The following EVPLL variants were observed in gnomAD, a reference collection of about 807,000 sequenced individuals.
The protein encoded by EVPLL is envoplakin-like protein.
A neutral mutation model predicts 46.2 loss-of-function variants in EVPLL; 39 were observed. That is an observed-to-expected ratio of 0.84 (90% CI 0.65 to 1.10). The LOEUF (loss-of-function observed/expected upper bound fraction) is 1.10. EVPLL is among the 50% of genes least tolerant of loss of function. EVPLL has a pLI of 0.00. For missense variants in EVPLL, 385 were observed against 412.6 expected, an observed-to-expected ratio of 0.93 and a Z score of 0.58; for synonymous variants, 156 against 165.8, an observed-to-expected ratio of 0.94 and a Z score of 0.46.
In EVPLL at chr17:18,383,258, G is replaced by T; in HGVS notation, c.673-13G>T. On this transcript the variant is annotated splice_polypyrimidine_tract_variant and intron_variant, in intron 7 of 10. Transcript: ENST00000399134. Reference sequence around the variant, plus strand: ...TGGTCCTCACCGCCGCTCCCCACCCGACTCGCCCCCAGCACTTCAAGCAGC... The same window carrying T: ...TGGTCCTCACCGCCGCTCCCCACCCTACTCGCCCCCAGCACTTCAAGCAGC... The T allele has an allele frequency of 1.8e-5, 28 of 1,569,912 alleles. No individual in the cohort carries two copies. The highest frequency in any genetic ancestry group is 2.4e-5 in the Non-Finnish European group (28 of 1,160,500).
rs752552958 is a variant in EVPLL at position 18,383,349 on chromosome 17, C to G, written c.751C>G (p.Leu251Val). 6.4e-7 allele frequency: 1 copy of G among 1,561,568 alleles called. No individual in the cohort carries two copies. Among genetic ancestry groups the G allele is most frequent in the Non-Finnish European group, 8.7e-7 (1 of 1,150,644 alleles). Residue 251 changes from leucine (L) to valine (V), a missense_variant, in exon 8 of 11, where the codon CTG becomes GTG. Transcript: ENST00000399134. ...LEEDGKRMVELRHPAVGPIQA... is the reference protein window; with the variant it reads ...LEEDGKRMVEVRHPAVGPIQA... The stretch of plus-strand genomic sequence containing the variant: ...GGAGGACGGCAAGCGCATGGTGGAG[C>G]TGCGGCACCCCGCGGTGGGGCCCAT...
At position 18,382,843 on chromosome 17, in the gene EVPLL, G is replaced by A; in HGVS notation, c.490G>A (p.Glu164Lys). 6.2e-7 allele frequency: 1 copy of A among 1,613,486 alleles called. No individual in the cohort carries two copies. Among genetic ancestry groups the A allele is most frequent in the Non-Finnish European group, 8.5e-7 (1 of 1,179,750 alleles). The change falls in exon 6 of 11, where the codon GAG becomes AAG. Residue 164 changes from glutamate to lysine, a missense_variant. By Grantham distance (56) the Glu-to-Lys change is moderately conservative. Transcript: ENST00000399134. Reference protein sequence around the residue: ...PGGAGCRHHPEPIPRPTEGGV... With the variant: ...PGGAGCRHHPKPIPRPTEGGV... Reference sequence around the variant, plus strand: ...CAAGGCAGGATGCCGCCACCATCCGGAGCCAATACCGAGACCTACTGGTGA... The same window carrying A: ...CAAGGCAGGATGCCGCCACCATCCGAAGCCAATACCGAGACCTACTGGTGA...
rs747523459 is a variant in EVPLL, at chr17:18,383,189, G to T, written c.672+4G>T. On this transcript the variant is annotated splice_donor_region_variant and intron_variant, in intron 7 of 10. Transcript: ENST00000399134. The stretch of plus-strand genomic sequence containing the variant: ...GGGCGTGCGGCGGGAATACGAGGTC[G>T]GCTGGCAGAGGTTGGGGCCAGGCGG... 1.7e-5 allele frequency: 26 copies of T among 1,545,972 alleles called. No homozygotes were observed. The highest frequency in any genetic ancestry group is 2.1e-5 in the Non-Finnish European group (24 of 1,151,016).
At position 18,381,900 on chromosome 17, in the gene EVPLL, G is replaced by A. The variant is rs1987591191; in HGVS notation, c.346+170G>A. On this transcript the variant is annotated intron_variant, in intron 4 of 10. Coordinates refer to ENST00000399134, the MANE Select transcript of EVPLL (RefSeq NM_001145127.2). The surrounding 1 kb of genome is among the most constrained non-coding windows in gnomAD (Gnocchi z 4.2). Reference sequence around the variant, plus strand: ...AGTCAGGGAAGACTTCCTGTAGGAGGAGGCACATGAAGAGACCTCAGAGGG... The same window carrying A: ...AGTCAGGGAAGACTTCCTGTAGGAGAAGGCACATGAAGAGACCTCAGAGGG... 9 of 1,104,496 alleles carry A rather than the reference G, an allele frequency of 8.1e-6. No individual in the cohort carries two copies. Among genetic ancestry groups the A allele is most frequent in the Non-Finnish European group, 1.0e-5 (8 of 774,860 alleles). The allele number at this position is 1,104,496 out of a possible 1,614,324, so 68.4% of individuals were successfully genotyped here.
At chr17:18,388,707 G>T (rs1987855291) in intron 10 of EVPLL, 150 bp from the exon 11 acceptor site, 1 of 156,446 alleles carries the variant, frequency 6.4e-6, no homozygotes, top group Non-Finnish European at 1.4e-5. Flanking sequence ...ATGAGGGGAG[G>T]GAGAGGTCTG....
intron 9 of EVPLL, among the ~76,000 whole-genome samples, chr17:18,385,094 G>A (rs779144): frequency 0.59 from 88,149 of 149,362 alleles, 26,404 homozygotes; most frequent in African/African-American, 0.64. Flanking sequence ...AGGAGGTCGG[G>A]GCACTCTGGG....
In EVPLL at chr17:18,382,788, A is replaced by G. The variant is rs763680714; in HGVS notation, c.473-38A>G. 3.1e-6 allele frequency: 5 copies of G among 1,603,094 alleles called. No homozygotes were observed. The East Asian group carries it at 1.1e-4, about 36-fold the overall frequency. On this transcript the variant is annotated intron_variant, in intron 5 of 10. Transcript: ENST00000399134. ...TTAGGGGGCCGTCTCCCTGTGCCCC[A>G]CCTCTCACGGGCTTGTTTCTCCCCT... is the stretch of plus-strand genomic sequence containing the variant.
chr17:18,380,398 G>A (rs1311232491), intron 1 of EVPLL: 2 of 157,986 alleles, frequency 1.3e-5, no homozygotes, highest in Non-Finnish European at 2.8e-5. Flanking sequence ...GGCTCCTCTA[G>A]ACGGCTGCTG....
rs750169185 is a variant in EVPLL, at chr17:18,383,621, G to T, written c.876+34G>T. The T allele has an allele frequency of 2.3e-4, 219 of 959,904 alleles. 5 individuals are homozygous for T. The highest frequency in any genetic ancestry group is 3.9e-4 in the Admixed American group (13 of 33,662). 59.5% of individuals were successfully genotyped at this position (959,904 alleles called of 1,614,324 possible). ...TCGGGCAGCGGCAGGGCGGCAGGGC[G>T]GCAGGGCGGGAGGTCCCACAGCACA... On this transcript the variant is annotated intron_variant, in intron 9 of 10. Coordinates refer to ENST00000399134, the MANE Select transcript of EVPLL (RefSeq NM_001145127.2).
Position 18,380,828 on chromosome 17 carries a change from AG to A in EVPLL, c.-36-70del. ...GGGCGGGATGGGGTGGAGAGAGGGC[AG>A]GGGACGCCACCTGGATGGGGCACAG... On this transcript the variant is annotated intron_variant, in intron 1 of 10. Coordinates refer to ENST00000399134, the MANE Select transcript of EVPLL (RefSeq NM_001145127.2). The A allele has an allele frequency of 3.9e-6, 5 of 1,274,566 alleles. No homozygotes were observed. The South Asian group carries it at 4.0e-5, about 10-fold the overall frequency. 79.0% of individuals were successfully genotyped at this position (1,274,566 alleles called of 1,614,324 possible). A position where few individuals can be genotyped will look rare whatever the true frequency, so the allele number is the denominator to read the frequency against.
At position 18,381,682 on chromosome 17, in the gene EVPLL, C is replaced by CG; in HGVS notation, c.299dup (p.Arg101ThrfsTer71). 1 of 1,614,136 alleles carries CG rather than the reference C, an allele frequency of 6.2e-7. No homozygotes were observed. Among genetic ancestry groups the CG allele is most frequent in the Non-Finnish European group, 8.5e-7 (1 of 1,180,030 alleles). ...GTACGAGAAGATGGTGCTGCCGCCC[C>CG]GACGTGGGATCCAAGGTCGACTGGG... On this transcript the variant is annotated frameshift_variant, in exon 4 of 11. Coordinates refer to ENST00000399134, the MANE Select transcript of EVPLL (RefSeq NM_001145127.2). LOFTEE classifies it high-confidence loss of function. This position sits in a 1 kb window ranked among gnomAD's most constrained non-coding sequence, Gnocchi z 4.2.
intron 9 of EVPLL, among the ~76,000 whole-genome samples, chr17:18,386,981 A>G (rs7222239): frequency 0.6 from 89,313 of 148,038 alleles, 27,211 homozygotes; most frequent in African/African-American, 0.68. Context: ...TGCAAGCTCC[A>G]CCTCCTGGGT....
chr17:18,384,566 C>T (rs1477955034), intron 9 of EVPLL, among the ~76,000 whole-genome samples: 7 of 152,166 alleles, frequency 4.6e-5, no homozygotes, highest in Admixed American at 1.3e-4. Flanking sequence ...CCTGTCTCTA[C>T]AAAAAATATA....
chr17:18,382,662 C>T (rs770830173), intron 5 of EVPLL, 24 bp downstream of exon 5: 2 of 1,552,044 alleles, frequency 1.3e-6, no homozygotes, highest in Non-Finnish European at 1.7e-6. Flanking sequence ...GAAGATGTTA[C>T]ATCCGGGGCC....
chr17:18,382,523 G>A lies in EVPLL; in HGVS notation c.357G>A (p.Leu119=), dbSNP rs1289132342. 5.8e-6 allele frequency: 9 copies of A among 1,551,732 alleles called. No individual in the cohort carries two copies. Among genetic ancestry groups the A allele is most frequent in the Admixed American group, 2.0e-5 (1 of 51,016 alleles). The part of the protein sequence containing the change: ...TRAGAETEAG[L]RRPVWAGHGG... ...CCGGCTCTCCTGCAGAAGCTGGTCT[G>A]CGCAGGCCAGTATGGGCCGGGCATG... The change falls in exon 5 of 11, where the codon CTG becomes CTA. Residue 119 remains leucine, a synonymous_variant. Transcript: ENST00000399134.
At chr17:18,388,440 C>T (rs140128485) in intron 10 of EVPLL, 152 bp downstream of exon 10, 14 of 566,326 alleles carry the variant, frequency 2.5e-5, no homozygotes, top group African/African-American at 5.8e-5. Flanking sequence ...ATGGGAAGGA[C>T]CCTGGGAGAC....
chr17:18,378,132 A>C, intron 1 of EVPLL, 149 bp downstream of exon 1: 1 of 336,148 alleles, frequency 3.0e-6, no homozygotes, highest in Non-Finnish European at 5.3e-6. Context: ...CCAGGGGTGG[A>C]CTCTCTCCCT....
At chr17:18,386,834 G>A (rs897567169) in intron 9 of EVPLL, among the ~76,000 whole-genome samples, 2 of 151,938 alleles carry the variant, frequency 1.3e-5, no homozygotes, top group Admixed American at 6.6e-5. Flanking sequence ...GTGTTAGGGT[G>A]CCTAGGCTCA....
Position 18,381,154 on chromosome 17 carries a change from G to A in EVPLL, c.63+154G>A. ...ACCGCCTGTCCCCTAACACACGGTG[G>A]GAGAGAGGGCTCAACTTCCTTCTTT... On this transcript the variant is annotated intron_variant, in intron 2 of 10. Transcript: ENST00000399134. The surrounding 1 kb of genome is among the most constrained non-coding windows in gnomAD (Gnocchi z 4.2). 2 of 1,186,628 alleles carry A rather than the reference G, an allele frequency of 1.7e-6. No homozygotes were observed. The highest frequency in any genetic ancestry group is 2.4e-6 in the Non-Finnish European group (2 of 845,950). The allele number at this position is 1,186,628 out of a possible 1,614,324, so 73.5% of individuals were successfully genotyped here.
Sources: gnomAD v4.1 joint callset for allele counts (sites outside exome capture counted in the v4.1 genomes callset) on GRCh38, gnomAD v4.1.1 for gene constraint, Gnocchi (gnomAD v3.1) non-coding constraint, MANE v1.5 for transcripts, NCBI Gene and HGNC (gene_info 2026-07-23, HGNC 2026-07-21) for gene names.